The following MARCHF6 variants were observed in gnomAD, a reference collection of about 807,000 sequenced individuals.
MARCHF6 encodes E3 ubiquitin-protein ligase MARCHF6.
In MARCHF6, 31 loss-of-function variants were observed where a neutral mutation model predicts 133.7. The ratio of observed to expected loss-of-function variants is 0.23; its 90% CI spans 0.17 to 0.31. The LOEUF (loss-of-function observed/expected upper bound fraction) is 0.31. Ranked by LOEUF, MARCHF6 falls within the 10% of genes least tolerant of loss-of-function variation. The pLI, the probability that MARCHF6 is intolerant of heterozygous loss-of-function variation, is 1.00. For synonymous variants in MARCHF6, 395 were observed against 402.5 expected, an observed-to-expected ratio of 0.98 and a Z score of 0.22; for missense variants, 723 against 1,121.6, an observed-to-expected ratio of 0.64 and a Z score of 5.08.
intron 1 of MARCHF6, among the ~76,000 whole-genome samples, chr5:10,368,028 G>T (rs567706232): frequency 3.3e-5 from 5 of 152,116 alleles, no homozygotes; most frequent in East Asian, 3.8e-4. Flanking sequence ...AATCTGATGG[G>T]GGGGAGCCTC....
chr5:10,360,155 T>TTG (rs1554018142), intron 1 of MARCHF6, among the ~76,000 whole-genome samples: 1 of 146,024 alleles, frequency 6.8e-6, no homozygotes, highest in Non-Finnish European at 1.5e-5. Context: ...TTTTTTTTTT[T>TTG]TTTTTTTTTT....
Position 10,411,348 on chromosome 5 carries a change from T to C in MARCHF6, c.1707T>C (p.Tyr569=), listed in dbSNP as rs779340809. 6.2e-7 allele frequency: 1 copy of C among 1,614,180 alleles called. No homozygotes were observed. The highest frequency in any genetic ancestry group is 8.5e-7 in the Non-Finnish European group (1 of 1,179,994). The part of the protein sequence containing the change: ...TAGYLLDLHS[Y]LLGDQEENEN... ...TTTTGCACAGGGATCTTCATTCTTA[T>C]TTATTGGGAGACCAGGAAGAAAATG... is the stretch of plus-strand genomic sequence containing the variant. Residue 569 remains tyrosine (Y), a synonymous_variant, in exon 19 of 26, where the codon TAT becomes TAC. Coordinates refer to ENST00000274140, the MANE Select transcript of MARCHF6 (RefSeq NM_005885.4).
At chr5:10,390,586 A>C (rs1319087441) in intron 6 of MARCHF6, 86 bp downstream of exon 6, 8 of 1,246,890 alleles carry the variant, frequency 6.4e-6, no homozygotes, top group Non-Finnish European at 8.9e-6. Context: ...CTTGACTTCC[A>C]TGTCCCTCAT....
intron 9 of MARCHF6, among the ~76,000 whole-genome samples, chr5:10,396,712 A>AGAGGTGACAGTATGTAACTGTGG (rs1370968811): frequency 1.1e-4 from 17 of 152,154 alleles, no homozygotes; most frequent in Non-Finnish European, 2.4e-4. Context: ...CTGTCGCCTT[A>AGAGGTGACAGTATGTAACTGTGG]GAGGTGACAG....
rs1740747813 is a variant in MARCHF6, at chr5:10,438,898, C to CT, written c.*5215dup. The stretch of plus-strand genomic sequence containing the variant: ...TAGTTCTACTTAGTCACACACTTCT[C>CT]TAAGACCACTCATACGTAAACACTA... On this transcript the variant is annotated 3_prime_UTR_variant, in exon 26 of 26. Coordinates refer to ENST00000274140, the MANE Select transcript of MARCHF6 (RefSeq NM_005885.4). 1 of 152,230 alleles carries CT rather than the reference C, an allele frequency of 6.6e-6. No homozygotes were observed. Among genetic ancestry groups the CT allele is most frequent in the South Asian group, 2.1e-4 (1 of 4,830 alleles). The allele number at this position is 152,230 out of a possible 1,614,324, so 9.4% of individuals were successfully genotyped here. A position where few individuals can be genotyped will look rare whatever the true frequency, so the allele number is the denominator to read the frequency against.
chr5:10,389,990 G>T (rs1737726577), intron 5 of MARCHF6, among the ~76,000 whole-genome samples: 1 of 152,134 alleles, frequency 6.6e-6, no homozygotes, highest in South Asian at 2.1e-4. Context: ...GTGTTAGACT[G>T]CTTTTGTCTT....
chr5:10,422,074 C>T (rs1464521084), intron 22 of MARCHF6: 1 of 152,132 alleles, frequency 6.6e-6, no homozygotes, highest in Non-Finnish European at 1.5e-5. Flanking sequence ...CACGCACATA[C>T]AAACAGCAGC....
chr5:10,382,100 G>A (rs1354605096), intron 4 of MARCHF6, among the ~76,000 whole-genome samples, 157 bp downstream of exon 4: 2 of 152,162 alleles, frequency 1.3e-5, no homozygotes, highest in Non-Finnish European at 2.9e-5. Context: ...GATGTTCATC[G>A]GAACTAAGAA....
intron 25 of MARCHF6, among the ~76,000 whole-genome samples, chr5:10,431,454 ATCT>A (rs1487278676): frequency 7.9e-5 from 12 of 152,016 alleles, no homozygotes; most frequent in South Asian, 6.3e-4. Context: ...CTCATGCTCT[ATCT>A]TCTTCTGCTT....
At chr5:10,356,835 A>G (rs1158440346) in intron 1 of MARCHF6, among the ~76,000 whole-genome samples, 1 of 152,162 alleles carries the variant, frequency 6.6e-6, no homozygotes, top group Non-Finnish European at 1.5e-5. Flanking sequence ...GGTACCATAT[A>G]TGATAGTCTG....
intron 25 of MARCHF6, among the ~76,000 whole-genome samples, 176 bp downstream of exon 25, chr5:10,430,204 T>C (rs1280637672): frequency 6.6e-6 from 1 of 151,736 alleles, no homozygotes; most frequent in Non-Finnish European, 1.5e-5. Flanking sequence ...ATCAAGGACT[T>C]AGTTGGCCCA....
chr5:10,429,168 C>T (rs1019987774), intron 24 of MARCHF6, among the ~76,000 whole-genome samples: 2 of 152,090 alleles, frequency 1.3e-5, no homozygotes, highest in South Asian at 2.1e-4. Context: ...CTGAATTCCT[C>T]GAAAGTACTT....
intron 4 of MARCHF6, among the ~76,000 whole-genome samples, 161 bp downstream of exon 4, chr5:10,382,104 C>G (rs1737182847): frequency 6.6e-6 from 1 of 152,116 alleles, no homozygotes; most frequent in Non-Finnish European, 1.5e-5. Flanking sequence ...TTCATCGGAA[C>G]TAAGAATGAG....
intron 7 of MARCHF6, among the ~76,000 whole-genome samples, chr5:10,392,828 A>C (rs973508801): frequency 2.0e-5 from 3 of 151,180 alleles, no homozygotes; most frequent in Non-Finnish European, 2.9e-5. Flanking sequence ...CCTCCCTCCC[A>C]CCACAGTTTT....
intron 2 of MARCHF6, 102 bp downstream of exon 2, chr5:10,377,996 A>T (rs1267425908): frequency 5.8e-6 from 4 of 687,242 alleles, no homozygotes; most frequent in South Asian, 2.1e-5. Flanking sequence ...AATTATTTTT[A>T]AAAGTTTTAT....
In MARCHF6 at chr5:10,417,807, ATT is replaced by A. The variant is rs557583440; in HGVS notation, c.2283+412_2283+413del. On this transcript the variant is annotated intron_variant, in intron 22 of 25. Coordinates refer to ENST00000274140, the MANE Select transcript of MARCHF6 (RefSeq NM_005885.4). Reference sequence around the variant, plus strand: ...TTAAGCAGCTGGTTTAGAAAGACTAATTTTTTTTTTAATTCTAGGAACTCTTA... The same window carrying A: ...TTAAGCAGCTGGTTTAGAAAGACTAATTTTTTTTAATTCTAGGAACTCTTA... 8.0e-5 allele frequency among the ~76,000 whole-genome samples: 12 copies of A among 149,728 alleles called. No individual in the cohort carries two copies. The South Asian group carries it at 2.5e-3, about 32-fold the overall frequency.
intron 16 of MARCHF6, 129 bp from the exon 17 acceptor site, chr5:10,406,973 G>A (rs767470841): frequency 6.0e-6 from 3 of 502,394 alleles, no homozygotes; most frequent in South Asian, 4.5e-5. Context: ...GTGTAGAGTG[G>A]GAACCGCTTG....
intron 1 of MARCHF6, among the ~76,000 whole-genome samples, chr5:10,365,641 A>G (rs1736099108): frequency 6.6e-6 from 1 of 152,164 alleles, no homozygotes; most frequent in South Asian, 2.1e-4. Flanking sequence ...TCCCAAACCC[A>G]CATAGTTTGT....
chr5:10,410,462 T>C (rs569877404), intron 18 of MARCHF6, among the ~76,000 whole-genome samples, 186 bp downstream of exon 18: 10 of 152,330 alleles, frequency 6.6e-5, no homozygotes, highest in African/African-American at 2.2e-4. Flanking sequence ...GTCCATCCTT[T>C]CATGGAGAAT....
Sources: gnomAD v4.1 joint callset for allele counts (sites outside exome capture counted in the v4.1 genomes callset) on GRCh38, gnomAD v4.1.1 for gene constraint, MANE v1.5 for transcripts, NCBI Gene and HGNC (gene_info 2026-07-23, HGNC 2026-07-21) for gene names.